The following CADPS2 variants were observed in gnomAD, a reference collection of about 807,000 sequenced individuals.
The protein encoded by CADPS2 is calcium dependent secretion activator 2.
CADPS2 carries 93 observed loss-of-function variants against 172.5 expected under a neutral mutation model. That is an observed-to-expected ratio of 0.54 (90% CI 0.46 to 0.64). The LOEUF (loss-of-function observed/expected upper bound fraction) is 0.64. Among genes scored for constraint, CADPS2 ranks in the 30% least tolerant of loss-of-function variants. The probability of loss-of-function intolerance (pLI) is 0.00; values close to 1 mark genes in which losing one functional copy is unlikely to be tolerated. For missense variants in CADPS2, 1,420 were observed against 1,565.9 expected, an observed-to-expected ratio of 0.91 and a Z score of 1.57; for synonymous variants, 546 against 555.2, an observed-to-expected ratio of 0.98 and a Z score of 0.23.
At chr7:122,679,270 G>GGGGGGGGA in intron 2 of CADPS2, among the ~76,000 whole-genome samples, 1 of 117,846 alleles carries the variant, frequency 8.5e-6, no homozygotes, top group African/African-American at 2.9e-5. Flanking sequence ...ATTCCTGGGG[G>GGGGGGGGA]GGGGGGGCTC....
rs115238632 is a variant in CADPS2, at chr7:122,391,104, T to G, written c.3008+2092A>C. 4.9e-3 allele frequency among the ~76,000 whole-genome samples: 749 copies of G among 152,218 alleles called. 8 individuals are homozygous for G. Among genetic ancestry groups the G allele is most frequent in the African/African-American group, 0.017 (714 of 41,562 alleles). On this transcript the variant is annotated intron_variant, in intron 22 of 29. Coordinates refer to ENST00000449022, the MANE Select transcript of CADPS2 (RefSeq NM_017954.11). Reference sequence around the variant, plus strand: ...ATTCTTTATGTTAAATATAAATGTTTCTTTTTATTAATGTTTCAAACTTCA... The same window carrying G: ...ATTCTTTATGTTAAATATAAATGTTGCTTTTTATTAATGTTTCAAACTTCA...
At chr7:122,377,550 G>C (rs1373164284) in intron 25 of CADPS2, among the ~76,000 whole-genome samples, 1 of 152,140 alleles carries the variant, frequency 6.6e-6, no homozygotes, top group Non-Finnish European at 1.5e-5. Context: ...TCACGGGTTG[G>C]TTATATCTGG....
chr7:122,868,922 A>T (rs1013518935), intron 1 of CADPS2, among the ~76,000 whole-genome samples: 1 of 152,210 alleles, frequency 6.6e-6, no homozygotes, highest in Non-Finnish European at 1.5e-5. Flanking sequence ...AAAATTCAAC[A>T]GACAGGTTGA....
intron 17 of CADPS2, among the ~76,000 whole-genome samples, chr7:122,437,559 CAGAT>C (rs1253456447): frequency 2.8e-4 from 42 of 151,920 alleles, no homozygotes; most frequent in Admixed American, 2.8e-3. Context: ...CTTTTATTTT[CAGAT>C]AAGTATTTAA....
chr7:122,339,086 T>C (rs1324370043), intron 28 of CADPS2: 1 of 152,112 alleles, frequency 6.6e-6, no homozygotes, highest in Non-Finnish European at 1.5e-5. Flanking sequence ...TATAATATCG[T>C]AGAATTATAA....
chr7:122,640,092 T>C (rs2077453570), intron 3 of CADPS2, among the ~76,000 whole-genome samples: 1 of 152,178 alleles, frequency 6.6e-6, no homozygotes, highest in Non-Finnish European at 1.5e-5. Context: ...GTGTGATAAA[T>C]GGCATGCCTC....
At chr7:122,584,904 T>C (rs1347405060) in intron 6 of CADPS2, among the ~76,000 whole-genome samples, 1 of 152,018 alleles carries the variant, frequency 6.6e-6, no homozygotes, top group Non-Finnish European at 1.5e-5. Context: ...GGCTTTAATT[T>C]CCAGATTTTG....
intron 14 of CADPS2, among the ~76,000 whole-genome samples, chr7:122,464,921 T>C (rs1237000518): frequency 6.6e-6 from 1 of 152,340 alleles, no homozygotes; most frequent in East Asian, 1.9e-4. Flanking sequence ...GTTGATTTCT[T>C]AGTTTTGACA....
At chr7:122,362,009 G>A (rs758874375) in intron 25 of CADPS2, among the ~76,000 whole-genome samples, 12 of 152,122 alleles carry the variant, frequency 7.9e-5, no homozygotes, top group Non-Finnish European at 1.5e-4. Flanking sequence ...AGAGGTTGTG[G>A]TGAGCTGAGA....
intron 8 of CADPS2, among the ~76,000 whole-genome samples, chr7:122,540,624 G>T (rs1048934814): frequency 6.6e-6 from 1 of 151,994 alleles, no homozygotes; most frequent in African/African-American, 2.4e-5. Flanking sequence ...AATTAAAACG[G>T]CAAGGCATAT....
At chr7:122,350,314 T>C (rs1585181733) in intron 27 of CADPS2, among the ~76,000 whole-genome samples, 2 of 152,344 alleles carry the variant, frequency 1.3e-5, no homozygotes, top group Middle Eastern at 3.4e-3. Flanking sequence ...TAATTGATCA[T>C]AGAACATAGT....
intron 3 of CADPS2, among the ~76,000 whole-genome samples, chr7:122,662,762 A>G (rs192810702): frequency 6.6e-6 from 1 of 152,330 alleles, no homozygotes; most frequent in East Asian, 1.9e-4. Context: ...ACATAGTTCA[A>G]CTATCATCCT....
Position 122,491,307 on chromosome 7 carries a change from T to G in CADPS2, c.1651+5A>C, listed in dbSNP as rs1470322395. The G allele has an allele frequency of 1.3e-6, 2 of 1,575,184 alleles. No homozygotes were observed. Among genetic ancestry groups the G allele is most frequent in the Non-Finnish European group, 1.7e-6 (2 of 1,154,870 alleles). On this transcript the variant is annotated splice_donor_5th_base_variant and intron_variant, in intron 10 of 29. Coordinates refer to ENST00000449022, the MANE Select transcript of CADPS2 (RefSeq NM_017954.11). ...GGCAGGAAAAGTGATTCAATTAAGA[T>G]TTACCTGGGTGGGGATCGGTATAAT...
At chr7:122,701,194 A>G (rs1193822363) in intron 2 of CADPS2, among the ~76,000 whole-genome samples, 1 of 152,158 alleles carries the variant, frequency 6.6e-6, no homozygotes, top group Non-Finnish European at 1.5e-5. Context: ...TCTTATTTGG[A>G]TAAGGGCAAA....
At chr7:122,606,130 C>A (rs2073500774) in intron 6 of CADPS2, among the ~76,000 whole-genome samples, 1 of 152,216 alleles carries the variant, frequency 6.6e-6, no homozygotes, top group South Asian at 2.1e-4. Flanking sequence ...CAATCAATCA[C>A]TTCCTCAAAA....
intron 1 of CADPS2, among the ~76,000 whole-genome samples, chr7:122,843,059 T>C (rs964034938): frequency 1.3e-5 from 2 of 152,220 alleles, no homozygotes; most frequent in African/African-American, 4.8e-5. Flanking sequence ...TAATCTCATA[T>C]AATTAAAGTA....
At chr7:122,518,174 A>G (rs893478766) in intron 8 of CADPS2, among the ~76,000 whole-genome samples, 11 of 152,164 alleles carry the variant, frequency 7.2e-5, no homozygotes, top group African/African-American at 2.4e-4. Context: ...AAGACTGTAT[A>G]TATATCTATA....
chr7:122,791,844 C>T (rs957679079), intron 1 of CADPS2, among the ~76,000 whole-genome samples: 2 of 152,158 alleles, frequency 1.3e-5, no homozygotes, highest in African/African-American at 4.8e-5. Context: ...TCAATTATCT[C>T]ATCTACATAA....
At chr7:122,753,322 T>A (rs1338966883) in intron 1 of CADPS2, among the ~76,000 whole-genome samples, 2 of 152,176 alleles carry the variant, frequency 1.3e-5, no homozygotes, top group African/African-American at 4.8e-5. Flanking sequence ...TATGACTACA[T>A]TCACCCTACA....
Sources: allele counts gnomAD v4.1 joint callset (sites outside exome capture counted in the v4.1 genomes callset), GRCh38; gene constraint gnomAD v4.1.1; transcripts MANE v1.5; gene names NCBI Gene and HGNC (gene_info 2026-07-23, HGNC 2026-07-21).